Variants in SUGCT observed in about 807,000 individuals in gnomAD.
SUGCT encodes the protein succinyl-CoA:glutarate CoA-transferase.
Under a neutral mutation model 55.0 loss-of-function variants are expected in SUGCT, and 41 were observed. That is an observed-to-expected ratio of 0.74 (90% CI 0.58 to 0.97). SUGCT has a LOEUF of 0.97. Ranked by LOEUF, SUGCT falls within the 50% of genes least tolerant of loss-of-function variation. The pLI is 0.00. For missense variants in SUGCT, 568 were observed against 547.8 expected (o/e 1.04, Z -0.37); for synonymous variants, 187 against 200.4 (o/e 0.93, Z 0.56).
intron 1 of SUGCT, 100 bp from the exon 2 acceptor site, chr7:40,180,847 C>T (rs925664844): frequency 1.1e-6 from 1 of 895,462 alleles, no homozygotes; most frequent in Admixed American, 1.9e-5. Context: ...CTAAGAATCA[C>T]TGTAGTCCTT....
At position 40,449,364 on chromosome 7, in the gene SUGCT, C is replaced by T. The variant is rs1321827867; in HGVS notation, c.888+6C>T. 6.2e-7 allele frequency: 1 copy of T among 1,602,514 alleles called. No individual in the cohort carries two copies. Among genetic ancestry groups the T allele is most frequent in the Non-Finnish European group, 8.5e-7 (1 of 1,171,040 alleles). On this transcript the variant is annotated splice_donor_region_variant and intron_variant, in intron 10 of 13. Transcript: ENST00000335693. ...AGTTTGCCACCGTCTGCAAGGTAAT[C>T]TATAATTATTGGGATTGGTCGATGA... is the stretch of plus-strand genomic sequence containing the variant.
chr7:40,730,169 A>G (rs1431870555), intron 12 of SUGCT, among the ~76,000 whole-genome samples: 3 of 152,150 alleles, frequency 2.0e-5, no homozygotes, highest in African/African-American at 2.4e-5. Context: ...GTGCAATCGC[A>G]TGATCTTGGC....
intron 13 of SUGCT, among the ~76,000 whole-genome samples, chr7:40,798,528 C>T (rs188940306): frequency 2.0e-5 from 3 of 152,246 alleles, no homozygotes; most frequent in African/African-American, 7.2e-5. Flanking sequence ...AAGCTTTAGT[C>T]AAAATAAGTG....
chr7:40,232,733 G>A (rs915622939), intron 6 of SUGCT, among the ~76,000 whole-genome samples: 11 of 152,158 alleles, frequency 7.2e-5, no homozygotes, highest in African/African-American at 1.9e-4. Flanking sequence ...ACAAGATGGC[G>A]AGGTTGCTCC....
rs550896626 is a variant in SUGCT, at chr7:40,514,440, G to A, written c.1089+18054G>A. Among the ~76,000 whole-genome samples the A allele has an allele frequency of 5.3e-5, 8 of 152,004 alleles. No homozygotes were observed. In the South Asian group the frequency reaches 6.2e-4, roughly 12 times the overall value. On this transcript the variant is annotated intron_variant, in intron 12 of 13. Transcript: ENST00000335693. ...ATGCCAAGCTAAGGCCAGGCGTGGG[G>A]GCTCATGCCTGTAATCCCAGCACTT... is the stretch of plus-strand genomic sequence containing the variant.
At chr7:40,747,563 C>T (rs1484092689) in intron 12 of SUGCT, among the ~76,000 whole-genome samples, 3 of 152,194 alleles carry the variant, frequency 2.0e-5, no homozygotes, top group Non-Finnish European at 4.4e-5. Context: ...AGCTGCCACT[C>T]TTTGGGATGC....
chr7:40,880,567 AAAGT>A, the SUGCT span, among the ~76,000 whole-genome samples: 1 of 152,200 alleles, frequency 6.6e-6, no homozygotes, highest in African/African-American at 2.4e-5. Context: ...TTACTGGGTA[AAAGT>A]AATAAAAAGT....
intron 9 of SUGCT, among the ~76,000 whole-genome samples, chr7:40,441,223 T>G (rs1007921277): frequency 6.6e-6 from 1 of 152,182 alleles, no homozygotes; most frequent in Admixed American, 6.6e-5. Flanking sequence ...ATTCCTATTT[T>G]AGAGATGTCA....
intron 8 of SUGCT, among the ~76,000 whole-genome samples, chr7:40,286,431 T>A (rs1398280057): frequency 2.6e-5 from 4 of 152,138 alleles, no homozygotes; most frequent in South Asian, 2.1e-4. Flanking sequence ...CAGGATAATC[T>A]CCCATCTCAA....
chr7:40,235,629 A>T (rs1027976746), intron 6 of SUGCT, among the ~76,000 whole-genome samples: 4 of 152,226 alleles, frequency 2.6e-5, no homozygotes, highest in African/African-American at 4.8e-5. Flanking sequence ...ATCCAGCCAA[A>T]AAATTATTTT....
At chr7:40,571,780 G>A (rs73122166) in intron 12 of SUGCT, among the ~76,000 whole-genome samples, 1 of 152,312 alleles carries the variant, frequency 6.6e-6, no homozygotes, top group Non-Finnish European at 1.5e-5. Flanking sequence ...AAACTAAAGT[G>A]TGAATCTGTG....
intron 12 of SUGCT, among the ~76,000 whole-genome samples, chr7:40,727,646 C>T (rs1447977994): frequency 6.7e-6 from 1 of 149,436 alleles, no homozygotes; most frequent in Non-Finnish European, 1.5e-5. Context: ...CTTTGATAAA[C>T]AATGTACCTG....
intron 12 of SUGCT, among the ~76,000 whole-genome samples, chr7:40,522,694 T>C (rs1284981001): frequency 6.6e-6 from 1 of 152,080 alleles, no homozygotes; most frequent in Non-Finnish European, 1.5e-5. Context: ...GTAGCTAGAC[T>C]GAGTTCTTCT....
chr7:40,367,253 C>T lies in SUGCT; in HGVS notation c.816+50398C>T, dbSNP rs1324763987. 2.3e-4 allele frequency among the ~76,000 whole-genome samples: 22 copies of T among 96,710 alleles called. No individual in the cohort carries two copies. In the South Asian group the frequency reaches 2.4e-3, roughly 11 times the overall value. 63.4% of individuals were successfully genotyped at this position (96,710 alleles called of 152,430 possible). A position where few individuals can be genotyped will look rare whatever the true frequency, so the allele number is the denominator to read the frequency against. ...ACACAGGAAGGGTAACATCACACTC[C>T]GGGGACTGTTGTGGGGTGGGGGGAG... On this transcript the variant is annotated intron_variant, in intron 9 of 13. Transcript: ENST00000335693.
chr7:40,982,655 G>T, the SUGCT span, among the ~76,000 whole-genome samples: 2 of 151,754 alleles, frequency 1.3e-5, no homozygotes, highest in Non-Finnish European at 2.9e-5. Context: ...ATCTCTTTTT[G>T]ATTTTTTTTT....
intron 7 of SUGCT, among the ~76,000 whole-genome samples, chr7:40,254,159 TA>T (rs1790637619): frequency 6.6e-6 from 1 of 152,354 alleles, no homozygotes; most frequent in East Asian, 1.9e-4. Flanking sequence ...GTGAAATTTA[TA>T]TTGGAAAGCA....
At chr7:40,828,773 C>A (rs1272043792) in intron 13 of SUGCT, among the ~76,000 whole-genome samples, 20 of 152,034 alleles carry the variant, frequency 1.3e-4, no homozygotes, top group Admixed American at 1.3e-3. Flanking sequence ...ATGGTAAAGA[C>A]CACCTCCAGC....
intron 12 of SUGCT, among the ~76,000 whole-genome samples, chr7:40,615,881 A>G (rs539582786): frequency 1.8e-4 from 27 of 152,166 alleles, no homozygotes; most frequent in Non-Finnish European, 3.1e-4. Flanking sequence ...ACTGCATGGA[A>G]AGTAAAATAA....
At chr7:40,400,738 C>T (rs1408838192) in intron 9 of SUGCT, among the ~76,000 whole-genome samples, 1 of 152,132 alleles carries the variant, frequency 6.6e-6, no homozygotes, top group African/African-American at 2.4e-5. Flanking sequence ...GATTTCTGTG[C>T]TTATGCATTT....
Sources: allele counts gnomAD v4.1 joint callset (sites outside exome capture counted in the v4.1 genomes callset), GRCh38; gene constraint gnomAD v4.1.1; transcripts MANE v1.5; gene names NCBI Gene and HGNC (gene_info 2026-07-23, HGNC 2026-07-21).